Variants in MGAT5B observed in about 807,000 individuals in gnomAD.
The protein encoded by MGAT5B is N-acetylglucosaminyl-transferase Vb.
Under a neutral mutation model 95.1 loss-of-function variants are expected in MGAT5B, and 54 were observed. The observed-to-expected ratio is 0.57, with a 90% confidence interval of 0.46 to 0.71. The LOEUF is 0.71. Among genes scored for constraint, MGAT5B ranks in the 30% least tolerant of loss-of-function variants. The pLI is 0.00. For synonymous variants in MGAT5B, 464 were observed against 451.0 expected (o/e 1.03, Z -0.36); for missense variants, 935 against 1,088.6 (o/e 0.86, Z 1.99).
Position 76,869,088 on chromosome 17 carries a change from G to C in MGAT5B, c.59G>C (p.Arg20Thr). 1.2e-6 allele frequency: 2 copies of C among 1,614,102 alleles called. No homozygotes were observed. Among genetic ancestry groups the C allele is most frequent in the South Asian group, 1.1e-5 (1 of 91,090 alleles). The change falls in exon 1 of 18, where the codon AGA becomes ACA. Residue 20 changes from arginine (R) to threonine (T), a missense_variant. Coordinates refer to ENST00000569840, the MANE Select transcript of MGAT5B (RefSeq NM_001199172.2). This position sits in a 1 kb window ranked among gnomAD's most constrained non-coding sequence, Gnocchi z 7.0. ...IMVRRCLVTL[R>T]PFRLFVLGIG... Reference sequence around the variant, plus strand: ...GTCAGAAGATGCCTGGTCACCCTGAGACCCTTTCGGTAAAGTTCCCTCCTG... The same window carrying C: ...GTCAGAAGATGCCTGGTCACCCTGACACCCTTTCGGTAAAGTTCCCTCCTG...
chr17:76,910,493 ACATACT>A (rs1276777075), intron 8 of MGAT5B, among the ~76,000 whole-genome samples: 2 of 152,232 alleles, frequency 1.3e-5, no homozygotes, highest in Non-Finnish European at 2.9e-5. Flanking sequence ...ACTCATGGAC[ACATACT>A]CATAGCCTCT....
chr17:76,892,001 A>T (rs1186447696), intron 3 of MGAT5B, among the ~76,000 whole-genome samples: 5 of 152,094 alleles, frequency 3.3e-5, no homozygotes. Context: ...CCCACTGAAT[A>T]AGAAAAAGCC....
chr17:76,882,230 A>C lies in MGAT5B; in HGVS notation c.261A>C (p.Ala87=), dbSNP rs369390750. Reference sequence around the variant, plus strand: ...AGCTGATGGTGAAGCGCATGGACGCACTGGCCAGGCTGGAGAACAGCAGTG... The same window carrying C: ...AGCTGATGGTGAAGCGCATGGACGCCCTGGCCAGGCTGGAGAACAGCAGTG... ...LLELMVKRMD[A]LARLENSSEL... Residue 87 remains alanine (A), a synonymous_variant, in exon 3 of 18, where the codon GCA becomes GCC. Coordinates refer to ENST00000569840, the MANE Select transcript of MGAT5B (RefSeq NM_001199172.2). The C allele has an allele frequency of 5.1e-5, 82 of 1,613,598 alleles. No individual in the cohort carries two copies. The highest frequency in any genetic ancestry group is 6.8e-5 in the Non-Finnish European group (80 of 1,179,954).
rs1449321129 is a variant in MGAT5B, at chr17:76,906,962, A to T, written c.1025+775A>T. On this transcript the variant is annotated intron_variant, in intron 8 of 17. Transcript: ENST00000569840. This position sits in a 1 kb window ranked among gnomAD's most constrained non-coding sequence, Gnocchi z 4.6. ...TCCATTTAAGATCATGCTGTCACCA[A>T]GGACTCTGGGTTTGCCTGAGAGTGT... is the stretch of plus-strand genomic sequence containing the variant. Among the ~76,000 whole-genome samples, 1 of 152,150 alleles carries T rather than the reference A, an allele frequency of 6.6e-6. No individual in the cohort carries two copies. The highest frequency in any genetic ancestry group is 6.5e-5 in the Admixed American group (1 of 15,276).
intron 8 of MGAT5B, among the ~76,000 whole-genome samples, chr17:76,908,240 T>G (rs1968603457): frequency 6.6e-6 from 1 of 151,150 alleles, no homozygotes; most frequent in South Asian, 2.1e-4. Flanking sequence ...TTCTCTCTTT[T>G]CTTTCTTTTT....
intron 8 of MGAT5B, among the ~76,000 whole-genome samples, chr17:76,921,659 A>G (rs1969128498): frequency 6.6e-6 from 1 of 152,132 alleles, no homozygotes; most frequent in African/African-American, 2.4e-5. Flanking sequence ...GGTGTGGTGC[A>G]GGGGCTGCAG....
rs1317200116 is a variant in MGAT5B at position 76,948,685 on chromosome 17, G to A, written c.2226G>A (p.Leu742=). The A allele has an allele frequency of 4.3e-6, 7 of 1,613,328 alleles. No homozygotes were observed. Among genetic ancestry groups the A allele is most frequent in the Admixed American group, 1.7e-5 (1 of 59,964 alleles). The change falls in exon 18 of 18, where the codon CTG becomes CTA. Residue 742 remains leucine, a synonymous_variant. Transcript: ENST00000569840. The stretch of plus-strand genomic sequence containing the variant: ...GCACCGAGTCGGAGATGAACCACCT[G>A]TACCCGGCGTTCGCCCAGCCTGGCC... The part of the protein sequence containing the change: ...CDSTESEMNH[L]YPAFAQPGQE...
chr17:76,888,354 A>C (rs1967739343), intron 3 of MGAT5B, among the ~76,000 whole-genome samples: 1 of 152,036 alleles, frequency 6.6e-6, no homozygotes, highest in Non-Finnish European at 1.5e-5. Context: ...ACGCAGAGAC[A>C]TGGCGACAGA....
Position 76,917,234 on chromosome 17 carries a change from C to T in MGAT5B, c.1026-7732C>T, listed in dbSNP as rs1315196278. 6.6e-6 allele frequency among the ~76,000 whole-genome samples: 1 copy of T among 152,032 alleles called. No individual in the cohort carries two copies. Among genetic ancestry groups the T allele is most frequent in the Non-Finnish European group, 1.5e-5 (1 of 68,026 alleles). The stretch of plus-strand genomic sequence containing the variant: ...CGCTGACTGATGAGCCAGGCAGGTC[C>T]GAATGTTCCTCGAAGTCAGTTTCTT... On this transcript the variant is annotated intron_variant, in intron 8 of 17. Coordinates refer to ENST00000569840, the MANE Select transcript of MGAT5B (RefSeq NM_001199172.2). The surrounding 1 kb of genome is among the most constrained non-coding windows in gnomAD (Gnocchi z 6.1).
At chr17:76,937,839 G>A (rs1310407530) in intron 12 of MGAT5B, 149 bp from the exon 13 acceptor site, 27 of 810,814 alleles carry the variant, frequency 3.3e-5, no homozygotes, top group Non-Finnish European at 4.9e-5. Flanking sequence ...AGAGAGGGGC[G>A]GGGCCTTTCC....
chr17:76,878,192 A>AC (rs1967266193), intron 2 of MGAT5B, among the ~76,000 whole-genome samples: 1 of 151,110 alleles, frequency 6.6e-6, no homozygotes, highest in African/African-American at 2.4e-5. Context: ...CTGGGTACCC[A>AC]CCCCCTGCCT....
At chr17:76,886,919 C>T (rs1482515855) in intron 3 of MGAT5B, among the ~76,000 whole-genome samples, 1 of 152,164 alleles carries the variant, frequency 6.6e-6, no homozygotes, top group East Asian at 1.9e-4. Flanking sequence ...TGGCACATGC[C>T]TGTAGTCTCA....
At chr17:76,903,651 C>T (rs1486516499) in intron 5 of MGAT5B, among the ~76,000 whole-genome samples, 2 of 152,238 alleles carry the variant, frequency 1.3e-5, no homozygotes, top group African/African-American at 2.4e-5. Context: ...TGCCCTGTCC[C>T]TGCTCCTCCT....
At chr17:76,946,940 A>C (rs1970049587) in intron 16 of MGAT5B, among the ~76,000 whole-genome samples, 1 of 152,218 alleles carries the variant, frequency 6.6e-6, no homozygotes, top group Non-Finnish European at 1.5e-5. Flanking sequence ...CTGGGCAGGC[A>C]CCTGTCCAAG....
intron 11 of MGAT5B, 48 bp downstream of exon 11, chr17:76,932,823 GC>G: frequency 1.2e-6 from 2 of 1,600,754 alleles, no homozygotes; most frequent in Non-Finnish European, 1.7e-6. Flanking sequence ...CTCGGCACAG[GC>G]CCCCGCCTGG....
chr17:76,884,712 T>G (rs1453904012), intron 3 of MGAT5B, among the ~76,000 whole-genome samples: 2 of 151,858 alleles, frequency 1.3e-5, no homozygotes, highest in Non-Finnish European at 1.5e-5. Flanking sequence ...CAAGCGATTC[T>G]CCTGCCTCAG....
At chr17:76,931,636 C>T (rs897664600) in intron 10 of MGAT5B, among the ~76,000 whole-genome samples, 6 of 130,454 alleles carry the variant, frequency 4.6e-5, no homozygotes, top group Admixed American at 8.1e-5. Flanking sequence ...GATTGTCGGG[C>T]GGACTTTGGC....
rs1208657878 is a variant in MGAT5B at position 76,870,647 on chromosome 17, G to A, written c.68+1550G>A. Among the ~76,000 whole-genome samples the A allele has an allele frequency of 6.6e-6, 1 of 152,060 alleles. No individual in the cohort carries two copies. The highest frequency in any genetic ancestry group is 2.4e-5 in the African/African-American group (1 of 41,414). Reference sequence around the variant, plus strand: ...GCCCTTATCTGAAGGCAGGATTGGGGGTGGAGGTGCATGGGTCCCCAAAGT... The same window carrying A: ...GCCCTTATCTGAAGGCAGGATTGGGAGTGGAGGTGCATGGGTCCCCAAAGT... On this transcript the variant is annotated intron_variant, in intron 1 of 17. Transcript: ENST00000569840. The surrounding 1 kb of genome is among the most constrained non-coding windows in gnomAD (Gnocchi z 5.0).
At chr17:76,947,160 G>A (rs1970055737) in intron 16 of MGAT5B, among the ~76,000 whole-genome samples, 4 of 152,210 alleles carry the variant, frequency 2.6e-5, no homozygotes, top group Admixed American at 2.6e-4. Flanking sequence ...TTGGGCTCAG[G>A]GCCCTGGGGC....
Sources: allele counts gnomAD v4.1 joint callset (sites outside exome capture counted in the v4.1 genomes callset), GRCh38; gene constraint gnomAD v4.1.1; non-coding constraint Gnocchi (gnomAD v3.1); transcripts MANE v1.5; gene names NCBI Gene and HGNC (gene_info 2026-07-23, HGNC 2026-07-21).